DOCK4: variants seen among roughly 807,000 people sequenced by gnomAD.
The protein encoded by DOCK4 is dedicator of cytokinesis protein 4.
A neutral mutation model predicts 268.1 loss-of-function variants in DOCK4; 97 were observed. The observed-to-expected ratio is 0.36, with a 90% confidence interval of 0.31 to 0.43. DOCK4 has a LOEUF of 0.43. DOCK4 is among the 20% of genes least tolerant of loss of function. DOCK4 has a pLI of 1.00. For missense variants in DOCK4, 2,145 were observed against 2,455.7 expected (o/e 0.87, Z 2.67); for synonymous variants, 954 against 887.2 (o/e 1.08, Z -1.34).
chr7:111,879,583 G>C (rs561317609), intron 16 of DOCK4, among the ~76,000 whole-genome samples: 12 of 152,216 alleles, frequency 7.9e-5, no homozygotes, highest in Non-Finnish European at 1.3e-4. Flanking sequence ...GGATGAGAGG[G>C]GAGCAGGGTA....
rs1792415972 is a variant in DOCK4 at position 111,914,470 on chromosome 7, T to C, written c.1192+1309A>G. The stretch of plus-strand genomic sequence containing the variant: ...CTGAGTGTGACCTACAAGGTCCACA[T>C]GACTTCCCTCTTCGAATCTCCATTC... On this transcript the variant is annotated intron_variant, in intron 13 of 52. Transcript: ENST00000428084. Among the ~76,000 whole-genome samples the C allele has an allele frequency of 2.6e-5, 4 of 152,190 alleles. No homozygotes were observed. The South Asian group carries it at 8.3e-4, about 32-fold the overall frequency.
At chr7:111,976,814 G>C (rs1218838454) in intron 8 of DOCK4, 3 of 187,032 alleles carry the variant, frequency 1.6e-5, no homozygotes, top group Non-Finnish European at 2.2e-5. Context: ...CTTCTCCAGA[G>C]AATCTGTATC....
At chr7:111,840,344 G>C (rs1191589104) in intron 25 of DOCK4, among the ~76,000 whole-genome samples, 2 of 152,202 alleles carry the variant, frequency 1.3e-5, no homozygotes, top group African/African-American at 4.8e-5. Flanking sequence ...ATGCCCAGAA[G>C]AATCACATGC....
rs1420653207 is a variant in DOCK4, at chr7:111,728,043, T to C, written c.*231A>G. On this transcript the variant is annotated 3_prime_UTR_variant, in exon 53 of 53. Coordinates refer to ENST00000428084, the MANE Select transcript of DOCK4 (RefSeq NM_001363540.2). ...AGGAGTCTTTATCACTATTTACCAC[T>C]TCCAAATGAGAAACGTTTTAATGAA... 1 of 402,038 alleles carries C rather than the reference T, an allele frequency of 2.5e-6. No individual in the cohort carries two copies. Among genetic ancestry groups the C allele is most frequent in the Non-Finnish European group, 4.3e-6 (1 of 229,942 alleles). 24.9% of individuals were successfully genotyped at this position (402,038 alleles called of 1,614,324 possible). A position where few individuals can be genotyped will look rare whatever the true frequency, so the allele number is the denominator to read the frequency against.
chr7:111,848,525 C>T (rs568278546), intron 23 of DOCK4, among the ~76,000 whole-genome samples: 11 of 152,302 alleles, frequency 7.2e-5, no homozygotes, highest in Admixed American at 7.2e-4. Flanking sequence ...GCATTCTCTT[C>T]TCTCCCTGAG....
intron 10 of DOCK4, among the ~76,000 whole-genome samples, chr7:111,941,755 T>C (rs909879949): frequency 1.3e-5 from 2 of 152,164 alleles, no homozygotes; most frequent in African/African-American, 4.8e-5. Flanking sequence ...TGTTTGTTTT[T>C]AAACAACCCC....
rs181966558 is a variant in DOCK4 at position 111,938,640 on chromosome 7, T to C, written c.977+1470A>G. Among the ~76,000 whole-genome samples, 425 of 152,332 alleles carry C rather than the reference T, an allele frequency of 2.8e-3. 1 individual carries two copies. Among genetic ancestry groups the C allele is most frequent in the African/African-American group, 1.0e-2 (415 of 41,572 alleles). ...TAGGATTTGGAATATATCAAGTAAC[T>C]GTCTTAGTAGAGAACCATGGGTTAA... On this transcript the variant is annotated intron_variant, in intron 11 of 52. Coordinates refer to ENST00000428084, the MANE Select transcript of DOCK4 (RefSeq NM_001363540.2).
intron 2 of DOCK4, among the ~76,000 whole-genome samples, chr7:112,003,609 A>G (rs903190086): frequency 1.3e-5 from 2 of 152,128 alleles, no homozygotes; most frequent in African/African-American, 2.4e-5. Flanking sequence ...TCCAAGTTTG[A>G]GGGGAAGAAA....
chr7:111,933,168 G>A (rs766979122), intron 12 of DOCK4, among the ~76,000 whole-genome samples: 46 of 116,926 alleles, frequency 3.9e-4, no homozygotes, highest in Admixed American at 1.4e-3. Context: ...ACATATATAC[G>A]TATATACACA....
intron 1 of DOCK4, among the ~76,000 whole-genome samples, chr7:112,046,066 A>G (rs1275206609): frequency 2.6e-5 from 4 of 152,186 alleles, no homozygotes; most frequent in Non-Finnish European, 5.9e-5. Flanking sequence ...CCCTTAAATA[A>G]CAACTGTACA....
At chr7:111,929,086 G>T (rs1793975808) in intron 12 of DOCK4, among the ~76,000 whole-genome samples, 1 of 152,132 alleles carries the variant, frequency 6.6e-6, no homozygotes, top group African/African-American at 2.4e-5. Context: ...CTCAGGAAAA[G>T]AAATGTATAT....
chr7:111,888,008 A>T (rs908753889), intron 16 of DOCK4, among the ~76,000 whole-genome samples: 8 of 151,972 alleles, frequency 5.3e-5, no homozygotes, highest in Non-Finnish European at 8.8e-5. Context: ...AGGAGAGAGC[A>T]CAAGAAGTTA....
intron 36 of DOCK4, among the ~76,000 whole-genome samples, chr7:111,774,490 T>C (rs1427704532): frequency 3.3e-5 from 5 of 150,862 alleles, no homozygotes; most frequent in African/African-American, 1.2e-4. Context: ...AACAAAAAAA[T>C]CTGGAAAAAA....
chr7:112,150,183 A>T (rs1341191977), intron 1 of DOCK4, among the ~76,000 whole-genome samples: 1 of 152,082 alleles, frequency 6.6e-6, no homozygotes, highest in Non-Finnish European at 1.5e-5. Context: ...TTGCCTGAGA[A>T]ATTTCTCCTT....
intron 23 of DOCK4, among the ~76,000 whole-genome samples, chr7:111,851,444 C>CA (rs71524820): frequency 0.16 from 11,682 of 71,568 alleles, 1,026 homozygotes; most frequent in East Asian, 0.29. Context: ...GACTCCATCT[C>CA]AAAAAAAAAA....
intron 1 of DOCK4, among the ~76,000 whole-genome samples, chr7:112,187,672 A>T (rs777065279): frequency 6.6e-6 from 1 of 152,210 alleles, no homozygotes; most frequent in South Asian, 2.1e-4. Flanking sequence ...CCATGATGAC[A>T]TTCTGCCTTG....
intron 12 of DOCK4, among the ~76,000 whole-genome samples, chr7:111,928,461 T>C (rs776859559): frequency 2.0e-5 from 3 of 152,206 alleles, no homozygotes; most frequent in Admixed American, 6.5e-5. Context: ...TTAAAAAATA[T>C]CTTACGGTGT....
intron 38 of DOCK4, 110 bp downstream of exon 38, chr7:111,766,922 T>C: frequency 1.3e-6 from 1 of 774,904 alleles, no homozygotes; most frequent in South Asian, 1.7e-5. Flanking sequence ...AGAGGATTTA[T>C]CTTAAAAAGG....
In DOCK4 at chr7:111,736,731, T is replaced by C. The variant is rs138790779; in HGVS notation, c.5305+186A>G. ...CTCAGATTCTGCTGTTAAAATCTTA[T>C]AGGAAAACAGCTTTTGAAGAATGAT... On this transcript the variant is annotated intron_variant, in intron 50 of 52. Coordinates refer to ENST00000428084, the MANE Select transcript of DOCK4 (RefSeq NM_001363540.2). 1.3e-3 allele frequency among the ~76,000 whole-genome samples: 203 copies of C among 152,310 alleles called. 1 individual carries two copies. The highest frequency in any genetic ancestry group is 4.5e-3 in the African/African-American group (185 of 41,570).
Sources: gnomAD v4.1 joint callset for allele counts (sites outside exome capture counted in the v4.1 genomes callset) on GRCh38, gnomAD v4.1.1 for gene constraint, MANE v1.5 for transcripts, NCBI Gene and HGNC (gene_info 2026-07-23, HGNC 2026-07-21) for gene names.